Variants in CLMN observed in about 807,000 individuals in gnomAD.
CLMN encodes calmin, also known as calmin (calponin-like, transmembrane).
Under a neutral mutation model 92.7 loss-of-function variants are expected in CLMN, and 57 were observed. That is an observed-to-expected ratio of 0.61 (90% CI 0.50 to 0.77). CLMN has a LOEUF of 0.77. Ranked by LOEUF, CLMN falls within the 30% of genes least tolerant of loss-of-function variation. The pLI, the probability that CLMN is intolerant of heterozygous loss-of-function variation, is 0.00. For missense variants in CLMN, 1,158 were observed against 1,237.5 expected (o/e 0.94, Z 0.96); for synonymous variants, 466 against 470.6 (o/e 0.99, Z 0.13).
Position 95,204,430 on chromosome 14 carries a change from T to C in CLMN, c.919A>G (p.Ile307Val), listed in dbSNP as rs753475769. Residue 307 changes from isoleucine to valine, a missense_variant, in exon 9 of 13, where the codon ATC becomes GTC. Transcript: ENST00000298912. ...TTGATGCGAACAAAAGTGGATTCGATAGGAACTTCTTTATCTGAATCGAAA... is the reference window on the plus strand; with the variant it reads ...TTGATGCGAACAAAAGTGGATTCGACAGGAACTTCTTTATCTGAATCGAAA... ...DIFDSDKEVPIESTFVRIKET... is the reference protein window; with the variant it reads ...DIFDSDKEVPVESTFVRIKET... The C allele has an allele frequency of 6.3e-6, 10 of 1,598,028 alleles. No homozygotes were observed. In the East Asian group the frequency reaches 2.0e-4, roughly 32 times the overall value.
Position 95,191,519 on chromosome 14 carries a change from G to A in CLMN, c.*45C>T, listed in dbSNP as rs765997685. On this transcript the variant is annotated 3_prime_UTR_variant, in exon 13 of 13. Transcript: ENST00000298912. This position sits in a 1 kb window ranked among gnomAD's most constrained non-coding sequence, Gnocchi z 5.3. ...ACCCAAAATAAAATGAAGTAACCCCGCCCCTGGTCAGGGTCCTGTCTTTTT... is the reference window on the plus strand; with the variant it reads ...ACCCAAAATAAAATGAAGTAACCCCACCCCTGGTCAGGGTCCTGTCTTTTT... The A allele has an allele frequency of 7.9e-5, 120 of 1,521,780 alleles. No individual in the cohort carries two copies. The highest frequency in any genetic ancestry group is 1.2e-4 in the East Asian group (5 of 41,114). 94.3% of individuals were successfully genotyped at this position (1,521,780 alleles called of 1,614,324 possible).
intron 1 of CLMN, among the ~76,000 whole-genome samples, chr14:95,249,753 A>C (rs1440356691): frequency 6.6e-6 from 1 of 152,042 alleles, no homozygotes; most frequent in Non-Finnish European, 1.5e-5. Context: ...CATCACACCC[A>C]GCTAATTTTT....
At chr14:95,285,491 G>A (rs901778102) in intron 1 of CLMN, among the ~76,000 whole-genome samples, 3 of 152,312 alleles carry the variant, frequency 2.0e-5, no homozygotes, top group East Asian at 3.9e-4. Context: ...GCATGTGAAC[G>A]CTGTCTGGGC....
intron 9 of CLMN, 24 bp downstream of exon 9, chr14:95,202,814 T>C: frequency 1.3e-6 from 2 of 1,505,854 alleles, no homozygotes; most frequent in Non-Finnish European, 1.8e-6. Flanking sequence ...GGACCCAGGG[T>C]TCCCAAATCC....
chr14:95,224,888 A>G (rs1190256317), intron 2 of CLMN, among the ~76,000 whole-genome samples: 1 of 152,096 alleles, frequency 6.6e-6, no homozygotes, highest in Non-Finnish European at 1.5e-5. Context: ...TGGGACCCTT[A>G]GCAGAGGAAG....
chr14:95,258,532 G>A (rs376727812), intron 1 of CLMN, among the ~76,000 whole-genome samples: 47 of 148,530 alleles, frequency 3.2e-4, no homozygotes, highest in African/African-American at 8.2e-4. Context: ...TGATGTGTGC[G>A]GAGGATGTGT....
intron 12 of CLMN, chr14:95,193,226 C>T (rs1273640256): frequency 9.0e-6 from 7 of 774,014 alleles, no homozygotes; most frequent in East Asian, 2.7e-5. Flanking sequence ...GAATTTGAGA[C>T]GTTTTTCTGG....
At chr14:95,193,996 G>T (rs891313016) in intron 11 of CLMN, 77 bp from the exon 12 acceptor site, 2 of 1,580,810 alleles carry the variant, frequency 1.3e-6, no homozygotes, top group African/African-American at 1.4e-5. Flanking sequence ...AAGATAAAAC[G>T]ATTTTAAACA....
At chr14:95,309,030 T>C (rs910076695) in intron 1 of CLMN, among the ~76,000 whole-genome samples, 3 of 151,974 alleles carry the variant, frequency 2.0e-5, no homozygotes, top group African/African-American at 4.8e-5. Flanking sequence ...GCCATGAAGA[T>C]TGTGGGGCTA....
chr14:95,225,647 C>T (rs1055633163), intron 2 of CLMN, among the ~76,000 whole-genome samples: 1 of 152,238 alleles, frequency 6.6e-6, no homozygotes, highest in Non-Finnish European at 1.5e-5. Context: ...CTTGAAACAC[C>T]TTCTCTCTGC....
chr14:95,182,672 G>A lies in CLMN; in HGVS notation c.*8892C>T, dbSNP rs1294392840. ...GGAATGCAAACGGCTCCGATTCTGA[G>A]TAGAATTTCAGAAGCCTTTTTGAGT... On this transcript the variant is annotated 3_prime_UTR_variant, in exon 13 of 13. Coordinates refer to ENST00000298912, the MANE Select transcript of CLMN (RefSeq NM_024734.4). 3 of 152,252 alleles carry A rather than the reference G, an allele frequency of 2.0e-5. No individual in the cohort carries two copies. The highest frequency in any genetic ancestry group is 4.4e-5 in the Non-Finnish European group (3 of 68,054). The allele number at this position is 152,252 out of a possible 1,614,324, so 9.4% of individuals were successfully genotyped here. A position where few individuals can be genotyped will look rare whatever the true frequency, so the allele number is the denominator to read the frequency against.
At chr14:95,305,618 C>G (rs549589812) in intron 1 of CLMN, among the ~76,000 whole-genome samples, 70 of 152,204 alleles carry the variant, frequency 4.6e-4, no homozygotes, top group Middle Eastern at 6.8e-3. Flanking sequence ...GGTCAGAAAA[C>G]CAAGGAACAG....
rs1223395744 is a variant in CLMN, at chr14:95,245,190, A to AT, written c.83-15058dup. 1.6e-3 allele frequency among the ~76,000 whole-genome samples: 61 copies of AT among 37,488 alleles called. 2 individuals carry two copies. The highest frequency in any genetic ancestry group is 7.6e-3 in the African/African-American group (60 of 7,944). 24.6% of individuals were successfully genotyped at this position (37,488 alleles called of 152,430 possible). On this transcript the variant is annotated intron_variant, in intron 1 of 12. Coordinates refer to ENST00000298912, the MANE Select transcript of CLMN (RefSeq NM_024734.4). The stretch of plus-strand genomic sequence containing the variant: ...CTGGTTATATTATATATATATATAT[A>AT]TATAATATATATATATATTATATAT...
intron 1 of CLMN, among the ~76,000 whole-genome samples, chr14:95,295,913 CTTG>C (rs1164658055): frequency 6.6e-6 from 1 of 152,246 alleles, no homozygotes; most frequent in Non-Finnish European, 1.5e-5. Context: ...CTTGGTTTCC[CTTG>C]TTGTAACAAA....
chr14:95,203,946 A>G lies in CLMN; in HGVS notation c.1403T>C (p.Val468Ala). 11 of 1,614,042 alleles carry G rather than the reference A, an allele frequency of 6.8e-6. No homozygotes were observed. Among genetic ancestry groups the G allele is most frequent in the Non-Finnish European group, 9.3e-6 (11 of 1,180,024 alleles). ...RQDGHVLAVE[V>A]AEEKEQKQES... ...CTGTTTCTGTTCCTTTTCCTCAGCAACCTCAACTGCCAAGACATGTCCATC... is the reference window on the plus strand; with the variant it reads ...CTGTTTCTGTTCCTTTTCCTCAGCAGCCTCAACTGCCAAGACATGTCCATC... Residue 468 changes from valine (V) to alanine (A), a missense_variant, in exon 9 of 13, where the codon GTT becomes GCT. Physicochemically the swap from Val to Ala is moderately conservative, Grantham distance 64. Transcript: ENST00000298912.
At position 95,193,132 on chromosome 14, in the gene CLMN, G is replaced by A. The variant is rs536951218; in HGVS notation, c.2840+717C>T. ...TTCCAAGCCAATTCAAATCTGTGGC[G>A]AGTAAATAAAATTTTTTAAAAATAA... On this transcript the variant is annotated intron_variant, in intron 12 of 12. Transcript: ENST00000298912. 8.4e-4 allele frequency: 458 copies of A among 545,606 alleles called. 2 individuals are homozygous for A. Among genetic ancestry groups the A allele is most frequent in the Non-Finnish European group, 1.3e-3 (398 of 309,584 alleles). The allele number at this position is 545,606 out of a possible 1,614,324, so 33.8% of individuals were successfully genotyped here. A position where few individuals can be genotyped will look rare whatever the true frequency, so the allele number is the denominator to read the frequency against.
chr14:95,191,880 C>T lies in CLMN; in HGVS notation c.2841-148G>A. 1.4e-6 allele frequency: 1 copy of T among 696,836 alleles called. No individual in the cohort carries two copies. The highest frequency in any genetic ancestry group is 2.3e-6 in the Non-Finnish European group (1 of 427,644). 43.2% of individuals were successfully genotyped at this position (696,836 alleles called of 1,614,324 possible). Reference sequence around the variant, plus strand: ...GCACCATGTCCAGGTAGGCCCCACACTGTGTGTACTGGCCCAAGGCAGTGC... The same window carrying T: ...GCACCATGTCCAGGTAGGCCCCACATTGTGTGTACTGGCCCAAGGCAGTGC... On this transcript the variant is annotated intron_variant, in intron 12 of 12. Coordinates refer to ENST00000298912, the MANE Select transcript of CLMN (RefSeq NM_024734.4). The surrounding 1 kb of genome is among the most constrained non-coding windows in gnomAD (Gnocchi z 5.3).
intron 7 of CLMN, 53 bp from the exon 8 acceptor site, chr14:95,209,530 A>G (rs1244559032): frequency 2.2e-6 from 3 of 1,386,466 alleles, no homozygotes; most frequent in African/African-American, 1.4e-5. Flanking sequence ...CACGCTTTCA[A>G]TAGTATTCCC....
intron 1 of CLMN, among the ~76,000 whole-genome samples, chr14:95,266,650 A>G (rs1899485753): frequency 6.6e-6 from 1 of 152,234 alleles, no homozygotes; most frequent in South Asian, 2.1e-4. Context: ...TGCAATCCCT[A>G]TCAAAATACC....
Sources: allele counts gnomAD v4.1 joint callset (sites outside exome capture counted in the v4.1 genomes callset), GRCh38; gene constraint gnomAD v4.1.1; non-coding constraint Gnocchi (gnomAD v3.1); transcripts MANE v1.5; gene names NCBI Gene and HGNC (gene_info 2026-07-23, HGNC 2026-07-21).